The following HERC1 variants were observed in gnomAD, a reference collection of about 807,000 sequenced individuals.
The protein encoded by HERC1 is probable E3 ubiquitin-protein ligase HERC1.
HERC1 carries 160 observed loss-of-function variants against 554.3 expected under a neutral mutation model. The observed-to-expected ratio is 0.29, with a 90% CI of 0.25 to 0.33. The LOEUF (loss-of-function observed/expected upper bound fraction) is 0.33. Ranked by LOEUF, HERC1 falls within the 10% of genes least tolerant of loss-of-function variation. The pLI is 1.00. For missense variants in HERC1, 4,919 were observed against 5,918.5 expected (o/e 0.83, Z 5.54); for synonymous variants, 2,175 against 2,131.7 (o/e 1.02, Z -0.56).
At chr15:63,788,761 A>G (rs1006247807) in intron 1 of HERC1, among the ~76,000 whole-genome samples, 1 of 151,976 alleles carries the variant, frequency 6.6e-6, no homozygotes, top group Non-Finnish European at 1.5e-5. Flanking sequence ...TACTAAAAAT[A>G]CAAAAATTAG....
At chr15:63,819,562 C>G (rs993329816) in intron 1 of HERC1, among the ~76,000 whole-genome samples, 2 of 152,158 alleles carry the variant, frequency 1.3e-5, no homozygotes, top group African/African-American at 2.4e-5. Context: ...GAAGTCCAGT[C>G]CTTACACCAA....
intron 12 of HERC1, among the ~76,000 whole-genome samples, chr15:63,743,263 C>CTTTTTTTTTTTTTTTTTTTTTTTCTT (rs71131177): frequency 4.6e-5 from 5 of 109,188 alleles, no homozygotes; most frequent in Non-Finnish European, 7.1e-5. Context: ...TTTTCTTTTT[C>CTTTTTTTTTTTTTTTTTTTTTTTCTT]TTTTTTTTTT....
chr15:63,710,776 C>T (rs2073251912), intron 24 of HERC1, among the ~76,000 whole-genome samples: 4 of 152,184 alleles, frequency 2.6e-5, no homozygotes, highest in Admixed American at 2.6e-4. Context: ...GTTAGCCATG[C>T]AGGCAATAGC....
chr15:63,773,250 T>C (rs1266601387), intron 2 of HERC1, among the ~76,000 whole-genome samples: 1 of 152,050 alleles, frequency 6.6e-6, no homozygotes, highest in East Asian at 1.9e-4. Context: ...CCAGACCAGC[T>C]ATGGTCAACA....
intron 1 of HERC1, among the ~76,000 whole-genome samples, chr15:63,779,411 T>C (rs2076213714): frequency 1.3e-5 from 2 of 152,180 alleles, no homozygotes; most frequent in South Asian, 4.1e-4. Context: ...GGCATTATTT[T>C]AAAACAAAAT....
At chr15:63,767,149 C>T (rs933160184) in intron 2 of HERC1, among the ~76,000 whole-genome samples, 5 of 151,858 alleles carry the variant, frequency 3.3e-5, no homozygotes, top group Admixed American at 6.6e-5. Flanking sequence ...TACAAGTGCA[C>T]GCCACCATGC....
At chr15:63,785,427 T>C (rs945976328) in intron 1 of HERC1, among the ~76,000 whole-genome samples, 1 of 151,978 alleles carries the variant, frequency 6.6e-6, no homozygotes, top group Admixed American at 6.6e-5. Context: ...CTTAAAAAAA[T>C]TAAATATATT....
Position 63,729,329 on chromosome 15 carries a change from G to C in HERC1, c.3061C>G (p.Leu1021Val). The change falls in exon 16 of 78, where the codon CTT becomes GTT. Residue 1021 changes from leucine to valine, a missense_variant. Around this residue, in one of 11 missense-constraint regions of HERC1, gnomAD observed 1,121 missense variants for 1,244.0 expected, o/e 0.90. Coordinates refer to ENST00000443617, the MANE Select transcript of HERC1 (RefSeq NM_003922.4). Reference protein sequence around the residue: ...SVALLHKHLQLLLPHATDIYS... With the variant: ...SVALLHKHLQVLLPHATDIYS... Reference sequence around the variant, plus strand: ...ATATCTGTGGCATGAGGCAACAAAAGCTGAAGATGTTTATGAAGCAATGCC... The same window carrying C: ...ATATCTGTGGCATGAGGCAACAAAACCTGAAGATGTTTATGAAGCAATGCC... 3 of 1,610,456 alleles carry C rather than the reference G, an allele frequency of 1.9e-6. No homozygotes were observed. Among genetic ancestry groups the C allele is most frequent in the Non-Finnish European group, 2.5e-6 (3 of 1,178,334 alleles).
In HERC1 at chr15:63,612,130, G is replaced by A. The variant is rs1240703447; in HGVS notation, c.14400+121C>T. On this transcript the variant is annotated intron_variant, in intron 77 of 77. Coordinates refer to ENST00000443617, the MANE Select transcript of HERC1 (RefSeq NM_003922.4). The surrounding 1 kb of genome is among the most constrained non-coding windows in gnomAD (Gnocchi z 5.0). The stretch of plus-strand genomic sequence containing the variant: ...TTGAAGCTAGGAAGCGGAGGTTGCA[G>A]TAAGCTAAAATCATGCCACTGCACT... 5.8e-6 allele frequency: 5 copies of A among 865,424 alleles called. No homozygotes were observed. Among genetic ancestry groups the A allele is most frequent in the Admixed American group, 5.7e-5 (2 of 35,020 alleles). 53.6% of individuals were successfully genotyped at this position (865,424 alleles called of 1,614,324 possible).
At chr15:63,667,417 T>TA (rs907219443) in intron 40 of HERC1, among the ~76,000 whole-genome samples, 127 of 150,732 alleles carry the variant, frequency 8.4e-4, no homozygotes, top group African/African-American at 2.2e-3. Context: ...AAGATGAGAT[T>TA]AAAAAAAAAC....
chr15:63,748,467 G>C (rs1033569055), intron 10 of HERC1, among the ~76,000 whole-genome samples: 1 of 152,010 alleles, frequency 6.6e-6, no homozygotes, highest in African/African-American at 2.4e-5. Flanking sequence ...GGTTCTAAGA[G>C]TCCAGAAAAT....
chr15:63,612,208 A>C lies in HERC1; in HGVS notation c.14400+43T>G. ...GTCTCAACAAAAACAACAATGAAGC[A>C]ATAAGGCAGACATTACAAAGGAAAA... is the stretch of plus-strand genomic sequence containing the variant. On this transcript the variant is annotated intron_variant, in intron 77 of 77. Coordinates refer to ENST00000443617, the MANE Select transcript of HERC1 (RefSeq NM_003922.4). This position sits in a 1 kb window ranked among gnomAD's most constrained non-coding sequence, Gnocchi z 5.0. The C allele has an allele frequency of 6.7e-7, 1 of 1,499,920 alleles. No homozygotes were observed. The highest frequency in any genetic ancestry group is 9.0e-7 in the Non-Finnish European group (1 of 1,106,604). 92.9% of individuals were successfully genotyped at this position (1,499,920 alleles called of 1,614,324 possible).
intron 2 of HERC1, among the ~76,000 whole-genome samples, chr15:63,769,304 A>G (rs2075878630): frequency 6.6e-6 from 1 of 152,152 alleles, no homozygotes; most frequent in Admixed American, 6.5e-5. Flanking sequence ...CTGTAATCCC[A>G]GCTACTCATG....
At chr15:63,626,255 A>C in intron 70 of HERC1, 101 bp from the exon 71 acceptor site, 1 of 1,085,450 alleles carries the variant, frequency 9.2e-7, no homozygotes, top group Non-Finnish European at 1.3e-6. Flanking sequence ...AGATAATTAC[A>C]CAATGGACAC....
In HERC1 at chr15:63,758,052, T is replaced by C; in HGVS notation, c.1221+123A>G. 2.7e-6 allele frequency: 2 copies of C among 752,588 alleles called. No homozygotes were observed. The highest frequency in any genetic ancestry group is 4.2e-6 in the Non-Finnish European group (2 of 480,572). The allele number at this position is 752,588 out of a possible 1,614,324, so 46.6% of individuals were successfully genotyped here. On this transcript the variant is annotated intron_variant, in intron 4 of 77. Transcript: ENST00000443617. This position sits in a 1 kb window ranked among gnomAD's most constrained non-coding sequence, Gnocchi z 4.0. ...AAATGAAAAAAACTAATGCAGTATA[T>C]AGACCAGAAATAACCATCGATAATT...
intron 24 of HERC1, among the ~76,000 whole-genome samples, chr15:63,709,049 G>A (rs972933717): frequency 7.9e-5 from 12 of 152,182 alleles, no homozygotes; most frequent in African/African-American, 2.9e-4. Flanking sequence ...GAGTGCAGTG[G>A]CGCCATCTCG....
chr15:63,710,912 G>A (rs2073260195), intron 24 of HERC1, among the ~76,000 whole-genome samples: 1 of 152,208 alleles, frequency 6.6e-6, no homozygotes, highest in South Asian at 2.1e-4. Context: ...AGAGATCAGA[G>A]AGGTAGTGGG....
rs537316921 is a variant in HERC1 at position 63,706,601 on chromosome 15, C to T, written c.4636+179G>A. Reference sequence around the variant, plus strand: ...TACATATTTTAAAGAAAATAGTCTTCGTTTTAACTCTTCTGATAAAATGAT... The same window carrying T: ...TACATATTTTAAAGAAAATAGTCTTTGTTTTAACTCTTCTGATAAAATGAT... On this transcript the variant is annotated intron_variant, in intron 25 of 77. Coordinates refer to ENST00000443617, the MANE Select transcript of HERC1 (RefSeq NM_003922.4). Among the ~76,000 whole-genome samples, 13 of 152,158 alleles carry T rather than the reference C, an allele frequency of 8.5e-5. No individual in the cohort carries two copies. In the South Asian group the frequency reaches 1.5e-3, roughly 17 times the overall value.
In HERC1 at chr15:63,656,112, T is replaced by C; in HGVS notation, c.9846A>G (p.Lys3282=). The C allele has an allele frequency of 6.2e-7, 1 of 1,612,866 alleles. No individual in the cohort carries two copies. Among genetic ancestry groups the C allele is most frequent in the Non-Finnish European group, 8.5e-7 (1 of 1,179,394 alleles). Residue 3282 remains lysine, a synonymous_variant, in exon 49 of 78, where the codon AAA becomes AAG. Transcript: ENST00000443617. ...CLASNAPSAA[K]LLVQLCTQNL... is the part of the protein sequence containing the mutation. ...CCTGTGTACACAACTGTACAAGCAG[T>C]TTGGCAGCACTAGGAGCATTTGATG... is the stretch of plus-strand genomic sequence containing the variant.
Sources: gnomAD v4.1 joint callset for allele counts (sites outside exome capture counted in the v4.1 genomes callset) on GRCh38, gnomAD v4.1.1 for gene constraint, gnomAD v4.1.1 regional missense constraint, Gnocchi (gnomAD v3.1) non-coding constraint, MANE v1.5 for transcripts, NCBI Gene and HGNC (gene_info 2026-07-23, HGNC 2026-07-21) for gene names.